Variants in DCDC1 observed in about 807,000 individuals in gnomAD.
The protein encoded by DCDC1 is doublecortin domain containing 1.
Under a neutral mutation model 178.3 loss-of-function variants are expected in DCDC1, and 200 were observed. That is an observed-to-expected ratio of 1.12 (90% confidence interval 1.00 to 1.26). The LOEUF (loss-of-function observed/expected upper bound fraction) is 1.26. Among genes scored for constraint, DCDC1 ranks in the 50% most tolerant of loss-of-function variants. The pLI is 0.00. For synonymous variants in DCDC1, 690 were observed against 604.8 expected, an observed-to-expected ratio of 1.14 and a Z score of -2.07; for missense variants, 1,983 against 1,749.2, an observed-to-expected ratio of 1.13 and a Z score of -2.38.
intron 9 of DCDC1, among the ~76,000 whole-genome samples, chr11:31,215,941 T>C (rs1591440775): frequency 6.6e-6 from 1 of 150,854 alleles, no homozygotes; most frequent in Non-Finnish European, 1.5e-5. Context: ...CAGATTCTTA[T>C]TTATGGCTGC....
At chr11:31,070,018 C>A (rs1956458458) in intron 18 of DCDC1, among the ~76,000 whole-genome samples, 2 of 152,176 alleles carry the variant, frequency 1.3e-5, no homozygotes, top group African/African-American at 2.4e-5. Context: ...ATAAATAACA[C>A]AAAGTGACCA....
intron 15 of DCDC1, among the ~76,000 whole-genome samples, 182 bp from the exon 16 acceptor site, chr11:31,094,366 T>TGTGG (rs1958009324): frequency 6.6e-6 from 1 of 152,192 alleles, no homozygotes; most frequent in South Asian, 2.1e-4. Flanking sequence ...ACCAACTCTA[T>TGTGG]TATGCAAGAC....
Position 31,002,874 on chromosome 11 carries a change from T to C in DCDC1, c.2592-50306A>G, listed in dbSNP as rs1015010841. 3.3e-5 allele frequency among the ~76,000 whole-genome samples: 5 copies of C among 152,244 alleles called. No individual in the cohort carries two copies. In the East Asian group the frequency reaches 7.7e-4, roughly 24 times the overall value. On this transcript the variant is annotated intron_variant, in intron 20 of 38. Transcript: ENST00000684477. ...TATAAATTTCTGTAACAATGTAGAA[T>C]AGTAAAATAATCTCCCAGTTTTACA...
At chr11:30,971,245 A>C (rs73465179) in intron 20 of DCDC1, among the ~76,000 whole-genome samples, 4,422 of 146,474 alleles carry the variant, frequency 0.03, 208 homozygotes, top group African/African-American at 0.11. Context: ...GACACACACA[A>C]AAAAAAGAAC....
At chr11:31,076,276 C>T (rs1206935760) in intron 18 of DCDC1, among the ~76,000 whole-genome samples, 1 of 152,132 alleles carries the variant, frequency 6.6e-6, no homozygotes, top group Non-Finnish European at 1.5e-5. Flanking sequence ...ATTGTTGAAG[C>T]TCTCAAATGC....
At chr11:31,057,015 T>G (rs1955626338) in intron 20 of DCDC1, among the ~76,000 whole-genome samples, 1 of 151,966 alleles carries the variant, frequency 6.6e-6, no homozygotes, top group African/African-American at 2.4e-5. Context: ...GTGGATGACT[T>G]GAGGTCAGAA....
chr11:31,077,339 C>T (rs1223558099), intron 18 of DCDC1, among the ~76,000 whole-genome samples: 1 of 152,268 alleles, frequency 6.6e-6, no homozygotes, highest in African/African-American at 2.4e-5. Flanking sequence ...ATATAGTATT[C>T]CAATGAATAC....
intron 11 of DCDC1, among the ~76,000 whole-genome samples, chr11:31,112,588 G>A (rs1190207671): frequency 6.6e-6 from 1 of 152,066 alleles, no homozygotes; most frequent in Non-Finnish European, 1.5e-5. Flanking sequence ...GGGTCCTAAG[G>A]AATAAGGTCA....
chr11:31,220,165 C>G (rs1974083784), intron 9 of DCDC1, among the ~76,000 whole-genome samples: 1 of 152,140 alleles, frequency 6.6e-6, no homozygotes, highest in Middle Eastern at 3.2e-3. Flanking sequence ...AAATGACATT[C>G]TTATAAAATT....
chr11:30,965,511 C>T (rs1949374157), intron 20 of DCDC1, among the ~76,000 whole-genome samples: 1 of 151,412 alleles, frequency 6.6e-6, no homozygotes, highest in Non-Finnish European at 1.5e-5. Context: ...GCATTCTTGT[C>T]ACCAGAGATA....
intron 11 of DCDC1, among the ~76,000 whole-genome samples, chr11:31,125,787 T>TG (rs957009908): frequency 3.4e-4 from 52 of 151,576 alleles, no homozygotes; most frequent in African/African-American, 1.1e-3. Flanking sequence ...GGCGGTTGGG[T>TG]GGGGGGTAGA....
chr11:31,286,718 T>C (rs956304415), intron 7 of DCDC1, among the ~76,000 whole-genome samples: 1 of 152,030 alleles, frequency 6.6e-6, no homozygotes, highest in African/African-American at 2.4e-5. Context: ...CAGGTACCTC[T>C]AAAAGTTGGG....
chr11:31,069,999 C>A (rs1956457659), intron 18 of DCDC1, among the ~76,000 whole-genome samples: 1 of 152,134 alleles, frequency 6.6e-6, no homozygotes, highest in Non-Finnish European at 1.5e-5. Flanking sequence ...GCAAAGGTGG[C>A]AGACATATAT....
chr11:31,137,616 G>C (rs1479076461), intron 10 of DCDC1, 76 bp downstream of exon 10: 1 of 647,168 alleles, frequency 1.5e-6, no homozygotes, highest in African/African-American at 1.8e-5. Flanking sequence ...CCAAAGTGCG[G>C]GGATTACAGG....
At chr11:31,082,806 C>G (rs1168275348) in intron 17 of DCDC1, among the ~76,000 whole-genome samples, 1 of 152,126 alleles carries the variant, frequency 6.6e-6, no homozygotes, top group East Asian at 1.9e-4. Flanking sequence ...AGTTTCTTTT[C>G]TCAGACAGCC....
rs1385684133 is a variant in DCDC1 at position 31,064,021 on chromosome 11, G to A, written c.2591+448C>T. ...TGATGTTATTTTTATTCTAGGAAGG[G>A]AAATAGGGTTGATTTGTTATCACTG... is the stretch of plus-strand genomic sequence containing the variant. On this transcript the variant is annotated intron_variant, in intron 20 of 38. Coordinates refer to ENST00000684477, the MANE Select transcript of DCDC1 (RefSeq NM_001387274.1). 2.0e-5 allele frequency among the ~76,000 whole-genome samples: 3 copies of A among 152,082 alleles called. No homozygotes were observed. In the East Asian group the frequency reaches 5.8e-4, roughly 29 times the overall value.
At chr11:30,964,522 C>T (rs1949310566) in intron 20 of DCDC1, among the ~76,000 whole-genome samples, 1 of 152,072 alleles carries the variant, frequency 6.6e-6, no homozygotes, top group Non-Finnish European at 1.5e-5. Context: ...GTCACACCAT[C>T]CATGAATACC....
At chr11:31,246,467 C>CT (rs1424409356) in intron 8 of DCDC1, among the ~76,000 whole-genome samples, 136 of 143,396 alleles carry the variant, frequency 9.5e-4, no homozygotes, top group East Asian at 1.4e-3. Flanking sequence ...ATTCAATTGG[C>CT]TTTTTTTTTT....
intron 20 of DCDC1, among the ~76,000 whole-genome samples, chr11:31,014,179 A>G (rs1485142812): frequency 6.6e-6 from 1 of 152,082 alleles, no homozygotes; most frequent in African/African-American, 2.4e-5. Flanking sequence ...CCAGAGACAT[A>G]GCTCTTGCTC....
Sources: gnomAD v4.1 joint callset for allele counts (sites outside exome capture counted in the v4.1 genomes callset) on GRCh38, gnomAD v4.1.1 for gene constraint, MANE v1.5 for transcripts, NCBI Gene and HGNC (gene_info 2026-07-23, HGNC 2026-07-21) for gene names.